PRXL2A: variants seen among roughly 807,000 people sequenced by gnomAD.
PRXL2A encodes the protein peroxiredoxin like 2A, also known as peroxiredoxin-like 2A.
In PRXL2A, 26 loss-of-function variants were observed where a neutral mutation model predicts 25.6. The observed-to-expected ratio is 1.02, with a 90% CI of 0.74 to 1.41. The LOEUF is 1.41. PRXL2A is among the 40% of genes most tolerant of loss of function. The pLI is 0.00. For missense variants in PRXL2A, 246 were observed against 273.9 expected (o/e 0.90, Z 0.72); for synonymous variants, 98 against 102.9 (o/e 0.95, Z 0.29).
chr10:80,412,450 T>TA (rs1304429694), intron 1 of PRXL2A, among the ~76,000 whole-genome samples: 1 of 152,226 alleles, frequency 6.6e-6, no homozygotes, highest in Non-Finnish European at 1.5e-5. Context: ...AATTAACATT[T>TA]AATGCCTGAT....
chr10:80,420,526 G>C lies in PRXL2A; in HGVS notation c.59G>C (p.Gly20Ala). Reference sequence around the variant, plus strand: ...ATGGGGATGTGGTCCATTGGTGCAGGAGCCCTGGGGGCTGCTGCCTTGGCA... The same window carrying C: ...ATGGGGATGTGGTCCATTGGTGCAGCAGCCCTGGGGGCTGCTGCCTTGGCA... ...FTMGMWSIGA[G>A]ALGAAALALL... Residue 20 changes from glycine (G) to alanine (A), a missense_variant, in exon 2 of 6, where the codon GGA becomes GCA. Gly to Ala is a moderately conservative substitution (Grantham distance 60). Transcript: ENST00000606162. 1 of 1,613,524 alleles carries C rather than the reference G, an allele frequency of 6.2e-7. No homozygotes were observed. Among genetic ancestry groups the C allele is most frequent in the South Asian group, 1.1e-5 (1 of 90,882 alleles).
chr10:80,418,554 C>T (rs1844746991), intron 1 of PRXL2A, among the ~76,000 whole-genome samples: 2 of 152,034 alleles, frequency 1.3e-5, no homozygotes, highest in African/African-American at 2.4e-5. Flanking sequence ...ACATCCTCTC[C>T]CGGCCAAGTC....
Position 80,434,768 on chromosome 10 carries a change from G to C in PRXL2A, c.*2669G>C, listed in dbSNP as rs1414099420. 3.3e-5 allele frequency: 5 copies of C among 152,162 alleles called. No homozygotes were observed. Among genetic ancestry groups the C allele is most frequent in the Non-Finnish European group, 7.4e-5 (5 of 68,026 alleles). 9.4% of individuals were successfully genotyped at this position (152,162 alleles called of 1,614,324 possible). A position where few individuals can be genotyped will look rare whatever the true frequency, so the allele number is the denominator to read the frequency against. ...GGATCCTAGCCTCCCACAGAGACCA[G>C]GAGTCGGCCTTATCATTCCTGATAA... On this transcript the variant is annotated 3_prime_UTR_variant, in exon 6 of 6. Transcript: ENST00000606162.
chr10:80,429,697 G>A (rs138415839), intron 5 of PRXL2A, among the ~76,000 whole-genome samples: 3,394 of 150,394 alleles, frequency 0.023, 48 homozygotes, highest in Middle Eastern at 0.038. Flanking sequence ...CCTGCCCCTA[G>A]CCTCTCCTTG....
At chr10:80,416,297 C>T (rs1224754374) in intron 1 of PRXL2A, among the ~76,000 whole-genome samples, 1 of 152,212 alleles carries the variant, frequency 6.6e-6, no homozygotes, top group East Asian at 1.9e-4. Flanking sequence ...TTTCAGCATG[C>T]ACTTGTGGTG....
In PRXL2A at chr10:80,422,479, C is replaced by G. The variant is rs138058462; in HGVS notation, c.241C>G (p.Arg81Gly). 1 of 1,613,820 alleles carries G rather than the reference C, an allele frequency of 6.2e-7. No homozygotes were observed. The highest frequency in any genetic ancestry group is 8.5e-7 in the Non-Finnish European group (1 of 1,179,838). The change falls in exon 3 of 6, where the codon CGG becomes GGG. Residue 81 changes from arginine to glycine, a missense_variant. Coordinates refer to ENST00000606162, the MANE Select transcript of PRXL2A (RefSeq NM_032333.5). ...AAATGGAGCTGTGATTATGGCCGTG[C>G]GGAGGCCAGGCTGTTTCCTCTGTCG... Reference protein sequence around the residue: ...EKNGAVIMAVRRPGCFLCREE... With the variant: ...EKNGAVIMAVGRPGCFLCREE...
intron 1 of PRXL2A, 25 bp from the exon 2 acceptor site, chr10:80,420,441 C>A: frequency 6.4e-7 from 1 of 1,551,724 alleles, no homozygotes; most frequent in Non-Finnish European, 8.7e-7. Context: ...GCAGTAACGC[C>A]TTCTTCCTTC....
At chr10:80,427,247 C>A in intron 4 of PRXL2A, 85 bp from the exon 5 acceptor site, 1 of 1,222,330 alleles carries the variant, frequency 8.2e-7, no homozygotes, top group Non-Finnish European at 1.2e-6. Flanking sequence ...TGCCTGAGAA[C>A]CAATGCCCCG....
chr10:80,422,721 A>C (rs1844915055), intron 3 of PRXL2A, among the ~76,000 whole-genome samples: 1 of 149,724 alleles, frequency 6.7e-6, no homozygotes. Context: ...AACACATCTC[A>C]GTTTCCCTTA....
chr10:80,427,144 A>G lies in PRXL2A; in HGVS notation c.412-188A>G, dbSNP rs527664358. 4.1e-3 allele frequency among the ~76,000 whole-genome samples: 226 copies of G among 55,620 alleles called. 1 individual carries two copies. The highest frequency in any genetic ancestry group is 5.4e-3 in the African/African-American group (24 of 4,432). The allele number at this position is 55,620 out of a possible 152,430, so 36.5% of individuals were successfully genotyped here. ...ACTGACAGAGCAAGACTCCATCTCA[A>G]AAAAAAAAAAAAAAAAAGAGTGGAC... is the stretch of plus-strand genomic sequence containing the variant. On this transcript the variant is annotated intron_variant, in intron 4 of 5. Transcript: ENST00000606162.
intron 3 of PRXL2A, among the ~76,000 whole-genome samples, chr10:80,425,392 G>A (rs1362651673): frequency 6.6e-6 from 1 of 152,206 alleles, no homozygotes; most frequent in Non-Finnish European, 1.5e-5. Flanking sequence ...AAACATTTGG[G>A]AATGTAAGAG....
intron 1 of PRXL2A, among the ~76,000 whole-genome samples, 166 bp downstream of exon 1, chr10:80,408,809 C>G (rs904647993): frequency 6.6e-6 from 1 of 152,182 alleles, no homozygotes; most frequent in Non-Finnish European, 1.5e-5. Context: ...GCCGCCGCAG[C>G]GCTGGCGCTC....
At chr10:80,417,915 C>G (rs1432490697) in intron 1 of PRXL2A, among the ~76,000 whole-genome samples, 3 of 151,938 alleles carry the variant, frequency 2.0e-5, no homozygotes, top group Non-Finnish European at 4.4e-5. Context: ...CCCATGTTGT[C>G]CAGGCTTGTT....
Position 80,432,970 on chromosome 10 carries a change from C to G in PRXL2A, c.*871C>G, listed in dbSNP as rs149977879. ...CTCTAGAAAAAATGTCCATCTCTGG[C>G]TTTAATAAAATTATGCATCAGAAAT... On this transcript the variant is annotated 3_prime_UTR_variant, in exon 6 of 6. Transcript: ENST00000606162. 132 of 152,236 alleles carry G rather than the reference C, an allele frequency of 8.7e-4. No homozygotes were observed. The highest frequency in any genetic ancestry group is 3.1e-3 in the African/African-American group (127 of 41,548). 9.4% of individuals were successfully genotyped at this position (152,236 alleles called of 1,614,324 possible). A position where few individuals can be genotyped will look rare whatever the true frequency, so the allele number is the denominator to read the frequency against.
At chr10:80,409,091 C>T in intron 1 of PRXL2A, 3 of 985,270 alleles carry the variant, frequency 3.0e-6, no homozygotes, top group Non-Finnish European at 2.4e-6. Flanking sequence ...CAGTCCTCGT[C>T]CTCGTCTCTG....
chr10:80,430,638 C>G lies in PRXL2A; in HGVS notation c.577-1348C>G, dbSNP rs188019727. On this transcript the variant is annotated intron_variant, in intron 5 of 5. Coordinates refer to ENST00000606162, the MANE Select transcript of PRXL2A (RefSeq NM_032333.5). The stretch of plus-strand genomic sequence containing the variant: ...TACAGCCTGGGAAACAGAGCAAGAC[C>G]CTGTCTGTAAATAAATAAATAAAAA... 2.2e-3 allele frequency among the ~76,000 whole-genome samples: 329 copies of G among 152,104 alleles called. 1 individual carries two copies. The highest frequency in any genetic ancestry group is 7.6e-3 in the African/African-American group (316 of 41,492).
chr10:80,414,913 A>T (rs1844606257), intron 1 of PRXL2A, among the ~76,000 whole-genome samples: 2 of 152,356 alleles, frequency 1.3e-5, no homozygotes, highest in South Asian at 4.1e-4. Context: ...TTTAGAAATT[A>T]AAATTCCTTT....
chr10:80,420,273 G>T, intron 1 of PRXL2A, 193 bp from the exon 2 acceptor site: 6 of 1,337,758 alleles, frequency 4.5e-6, no homozygotes, highest in Non-Finnish European at 5.7e-6. Flanking sequence ...ACCTCCATGT[G>T]TGTGCTGCAT....
chr10:80,432,407 A>G lies in PRXL2A; in HGVS notation c.*308A>G, dbSNP rs1845294136. ...TGTAATCCCAGCACTTTGGGAGGCC[A>G]AGGTGAGCAAGTCACTTGAGGTCGG... is the stretch of plus-strand genomic sequence containing the variant. On this transcript the variant is annotated 3_prime_UTR_variant, in exon 6 of 6. Transcript: ENST00000606162. 8.9e-6 allele frequency: 2 copies of G among 225,308 alleles called. No individual in the cohort carries two copies. The highest frequency in any genetic ancestry group is 9.1e-5 in the South Asian group (1 of 10,942). 14.0% of individuals were successfully genotyped at this position (225,308 alleles called of 1,614,324 possible).
Sources: gnomAD v4.1 joint callset for allele counts (sites outside exome capture counted in the v4.1 genomes callset) on GRCh38, gnomAD v4.1.1 for gene constraint, MANE v1.5 for transcripts, NCBI Gene and HGNC (gene_info 2026-07-23, HGNC 2026-07-21) for gene names.